Variants in NKAIN3 observed in about 807,000 individuals in gnomAD.
NKAIN3 encodes sodium/potassium-transporting ATPase subunit beta-1-interacting protein 3.
In NKAIN3, 25 loss-of-function variants were observed where a neutral mutation model predicts 30.2. That is an observed-to-expected ratio of 0.83 (90% CI 0.60 to 1.16). NKAIN3 has a LOEUF of 1.16. Among genes scored for constraint, NKAIN3 ranks in the 50% most tolerant of loss-of-function variants. The pLI, the probability that NKAIN3 is intolerant of heterozygous loss-of-function variation, is 0.00. For missense variants in NKAIN3, 225 were observed against 254.1 expected (o/e 0.89, Z 0.78); for synonymous variants, 91 against 89.6 (o/e 1.02, Z -0.09).
At chr8:62,460,955 G>T (rs550477213) in intron 1 of NKAIN3, among the ~76,000 whole-genome samples, 128 of 152,306 alleles carry the variant, frequency 8.4e-4, no homozygotes, top group African/African-American at 3.1e-3. Flanking sequence ...GAGCTTAAAA[G>T]CTTTGAGATA....
Position 62,969,563 on chromosome 8 carries a change from G to A in NKAIN3, c.*4156G>A, listed in dbSNP as rs1200173399. On this transcript the variant is annotated 3_prime_UTR_variant, in exon 7 of 7. Coordinates refer to ENST00000623646, the MANE Select transcript of NKAIN3 (RefSeq NM_001304533.3). ...CACTTACTTTTTCTGAGTCACTTTAGTATGTAACTAGGATAAATTTCATAG... is the reference window on the plus strand; with the variant it reads ...CACTTACTTTTTCTGAGTCACTTTAATATGTAACTAGGATAAATTTCATAG... 2.6e-5 allele frequency among the ~76,000 whole-genome samples: 4 copies of A among 152,116 alleles called. No individual in the cohort carries two copies. The highest frequency in any genetic ancestry group is 9.7e-5 in the African/African-American group (4 of 41,438).
chr8:62,344,729 G>T, intron 1 of NKAIN3: 2 of 276,050 alleles, frequency 7.2e-6, no homozygotes, highest in South Asian at 3.7e-5. Flanking sequence ...GATATTGACT[G>T]CTGTCAGTAC....
At chr8:62,812,851 G>A (rs1818536007) in intron 4 of NKAIN3, among the ~76,000 whole-genome samples, 1 of 151,740 alleles carries the variant, frequency 6.6e-6, no homozygotes, top group Non-Finnish European at 1.5e-5. Context: ...TGTTCTACCT[G>A]CTTTAAACAC....
chr8:62,491,198 C>T (rs886433872), intron 1 of NKAIN3, among the ~76,000 whole-genome samples: 4 of 152,176 alleles, frequency 2.6e-5, no homozygotes, highest in Admixed American at 6.5e-5. Flanking sequence ...TCTCAGTGTG[C>T]TTCTTCCTAA....
intron 4 of NKAIN3, among the ~76,000 whole-genome samples, chr8:62,900,370 C>T (rs13280971): frequency 0.13 from 19,571 of 152,220 alleles, 1,500 homozygotes; most frequent in African/African-American, 0.2. Flanking sequence ...ATTACACCAT[C>T]ATCCTGGGGA....
At chr8:62,357,747 C>T (rs2129592235) in intron 1 of NKAIN3, among the ~76,000 whole-genome samples, 1 of 152,232 alleles carries the variant, frequency 6.6e-6, no homozygotes, top group Admixed American at 6.5e-5. Context: ...GCCCCCAACC[C>T]CAAGTGCTCG....
chr8:62,576,579 C>G (rs1223332731), intron 1 of NKAIN3, among the ~76,000 whole-genome samples: 1 of 152,134 alleles, frequency 6.6e-6, no homozygotes, highest in Non-Finnish European at 1.5e-5. Context: ...GTGCCATATT[C>G]AGTGGTGTGC....
chr8:62,661,420 G>A (rs1422553561), intron 3 of NKAIN3, among the ~76,000 whole-genome samples: 4 of 152,194 alleles, frequency 2.6e-5, no homozygotes, highest in Non-Finnish European at 5.9e-5. Context: ...AGCAAATAAA[G>A]AGCATTTTTT....
At chr8:62,829,558 G>C (rs980287585) in intron 4 of NKAIN3, among the ~76,000 whole-genome samples, 2 of 152,132 alleles carry the variant, frequency 1.3e-5, no homozygotes, top group Non-Finnish European at 2.9e-5. Flanking sequence ...GGCATGAAAA[G>C]TAAGAGATAA....
chr8:62,967,895 G>T lies in NKAIN3; in HGVS notation c.*2488G>T, dbSNP rs776218275. 1.3e-5 allele frequency among the ~76,000 whole-genome samples: 2 copies of T among 152,064 alleles called. No individual in the cohort carries two copies. Among genetic ancestry groups the T allele is most frequent in the African/African-American group, 2.4e-5 (1 of 41,410 alleles). ...GTGAATTTGTACATAGTTCTAGTAG[G>T]CACTGCAGAGTCTGAACTTAGTCTA... On this transcript the variant is annotated 3_prime_UTR_variant, in exon 7 of 7. Transcript: ENST00000623646.
intron 4 of NKAIN3, chr8:62,856,963 A>G (rs1586275248): frequency 3.7e-6 from 2 of 540,846 alleles, no homozygotes; most frequent in South Asian, 3.1e-5. Context: ...GGCATCAACA[A>G]AAAAAAAACA....
At chr8:62,769,152 A>G (rs377692879) in intron 4 of NKAIN3, among the ~76,000 whole-genome samples, 2 of 152,194 alleles carry the variant, frequency 1.3e-5, no homozygotes, top group African/African-American at 4.8e-5. Flanking sequence ...TCTAGTGATC[A>G]AACAAAAGTT....
intron 1 of NKAIN3, among the ~76,000 whole-genome samples, chr8:62,437,856 G>A (rs1805215223): frequency 6.6e-6 from 1 of 152,112 alleles, no homozygotes; most frequent in Non-Finnish European, 1.5e-5. Flanking sequence ...TATTAAAGGA[G>A]CAGTCAACGA....
intron 3 of NKAIN3, among the ~76,000 whole-genome samples, chr8:62,652,144 G>A (rs527891627): frequency 1.3e-5 from 2 of 151,994 alleles, no homozygotes; most frequent in Non-Finnish European, 2.9e-5. Flanking sequence ...AGCTCCCAAG[G>A]CCCCACTTCC....
chr8:62,670,197 C>T (rs1369928737), intron 3 of NKAIN3, among the ~76,000 whole-genome samples: 3 of 152,070 alleles, frequency 2.0e-5, no homozygotes, highest in East Asian at 3.9e-4. Context: ...AGAAATCAGC[C>T]GTTCTCTCTT....
intron 1 of NKAIN3, among the ~76,000 whole-genome samples, chr8:62,572,985 T>C (rs540029448): frequency 1.3e-5 from 2 of 152,308 alleles, no homozygotes; most frequent in South Asian, 4.1e-4. Flanking sequence ...ATTTCTTGCG[T>C]TACTGGGAGT....
At chr8:62,802,042 A>C (rs1397902948) in intron 4 of NKAIN3, among the ~76,000 whole-genome samples, 1 of 152,190 alleles carries the variant, frequency 6.6e-6, no homozygotes, top group East Asian at 1.9e-4. Flanking sequence ...AAATGATTGA[A>C]ATGAAGCGAG....
chr8:62,948,804 G>T (rs1823200326), intron 5 of NKAIN3, among the ~76,000 whole-genome samples: 2 of 152,158 alleles, frequency 1.3e-5, no homozygotes, highest in Non-Finnish European at 2.9e-5. Flanking sequence ...AATTTGCCCA[G>T]TTCCAACCTC....
rs910178628 is a variant in NKAIN3 at position 62,306,661 on chromosome 8, G to C, written c.54+57534G>C. ...CAATAGAACATAAGAAGAGTCAGAA[G>C]GTCAAATTTTGGCAGTGATCATTCA... On this transcript the variant is annotated intron_variant, in intron 1 of 6. Coordinates refer to ENST00000623646, the MANE Select transcript of NKAIN3 (RefSeq NM_001304533.3). 6.2e-4 allele frequency among the ~76,000 whole-genome samples: 92 copies of C among 148,900 alleles called. 5 individuals carry two copies. Among genetic ancestry groups the C allele is most frequent in the African/African-American group, 2.1e-3 (81 of 38,924 alleles).
Sources: allele counts gnomAD v4.1 joint callset (sites outside exome capture counted in the v4.1 genomes callset), GRCh38; gene constraint gnomAD v4.1.1; transcripts MANE v1.5; gene names NCBI Gene and HGNC (gene_info 2026-07-23, HGNC 2026-07-21).